AGBL1: variants seen among roughly 807,000 people sequenced by gnomAD.
AGBL1 encodes the protein cytosolic carboxypeptidase 4.
Under a neutral mutation model 118.9 loss-of-function variants are expected in AGBL1, and 130 were observed. The observed-to-expected ratio is 1.09, with a 90% CI of 0.95 to 1.26. The LOEUF (loss-of-function observed/expected upper bound fraction) is 1.26, where lower values mean the gene tolerates loss of function less well. Ranked by LOEUF, AGBL1 falls within the 50% of genes most tolerant of loss-of-function variation. The pLI, the probability that AGBL1 is intolerant of heterozygous loss-of-function variation, is 0.00. For missense variants in AGBL1, 1,584 were observed against 1,298.1 expected, an observed-to-expected ratio of 1.22 and a Z score of -3.38; for synonymous variants, 555 against 478.9, an observed-to-expected ratio of 1.16 and a Z score of -2.08.
intron 22 of AGBL1, among the ~76,000 whole-genome samples, chr15:86,765,932 T>G (rs1244695867): frequency 2.6e-5 from 4 of 151,984 alleles, no homozygotes. Flanking sequence ...CCTAGTTTAG[T>G]CAGCAACTAT....
intron 22 of AGBL1, among the ~76,000 whole-genome samples, chr15:86,864,016 G>T (rs948713963): frequency 6.6e-6 from 1 of 152,176 alleles, no homozygotes; most frequent in Non-Finnish European, 1.5e-5. Flanking sequence ...GAACAGCAAA[G>T]TCCCACCTGC....
intron 17 of AGBL1, among the ~76,000 whole-genome samples, chr15:86,316,173 A>G (rs903760993): frequency 6.6e-6 from 1 of 152,184 alleles, no homozygotes; most frequent in African/African-American, 2.4e-5. Context: ...GTCCCATGAC[A>G]GTAGTGTAAA....
intron 24 of AGBL1, among the ~76,000 whole-genome samples, chr15:87,003,666 G>A (rs533640552): frequency 6.7e-5 from 10 of 150,220 alleles, no homozygotes; most frequent in African/African-American, 2.4e-4. Context: ...CCTGTTATTG[G>A]TCTATTCAGA....
At chr15:86,386,522 C>T (rs1035032246) in intron 17 of AGBL1, among the ~76,000 whole-genome samples, 6 of 151,468 alleles carry the variant, frequency 4.0e-5, no homozygotes, top group Non-Finnish European at 7.4e-5. Context: ...GTATTTGGCA[C>T]GTGGTACCCT....
chr15:86,514,980 T>C (rs2083101839), intron 18 of AGBL1, among the ~76,000 whole-genome samples: 1 of 152,200 alleles, frequency 6.6e-6, no homozygotes, highest in Admixed American at 6.5e-5. Flanking sequence ...TTTTACATAG[T>C]TGCATAATAC....
chr15:86,222,896 C>A (rs553020699), intron 5 of AGBL1, among the ~76,000 whole-genome samples: 2 of 152,174 alleles, frequency 1.3e-5, no homozygotes, highest in East Asian at 3.9e-4. Context: ...TGATACTGTC[C>A]CCTAAACCAA....
In AGBL1 at chr15:86,664,591, C is replaced by A. The variant is rs537617741; in HGVS notation, c.2995-9682C>A. ...TCTCATTGCTATTTCTTCACTAGAC[C>A]TTTTTGCTGGGGGTTTACCTCCCCT... On this transcript the variant is annotated intron_variant, in intron 21 of 22. Coordinates refer to ENST00000614907, the MANE Select transcript of AGBL1 (RefSeq NM_001386094.1). Among the ~76,000 whole-genome samples, 4 of 152,112 alleles carry A rather than the reference C, an allele frequency of 2.6e-5. No homozygotes were observed. In the East Asian group the frequency reaches 5.8e-4, roughly 22 times the overall value.
At chr15:86,358,019 A>T (rs543211438) in intron 17 of AGBL1, among the ~76,000 whole-genome samples, 4 of 152,072 alleles carry the variant, frequency 2.6e-5, no homozygotes, top group Non-Finnish European at 5.9e-5. Flanking sequence ...CATACTTATA[A>T]TTTTTTTGTG....
chr15:86,678,356 G>A (rs1042443120), intron 22 of AGBL1, among the ~76,000 whole-genome samples: 2 of 152,012 alleles, frequency 1.3e-5, no homozygotes, highest in Non-Finnish European at 1.5e-5. Context: ...CCATTTTTAG[G>A]AGAAAATGGG....
At chr15:86,717,683 C>A (rs1179524237) in intron 22 of AGBL1, among the ~76,000 whole-genome samples, 1 of 141,028 alleles carries the variant, frequency 7.1e-6, no homozygotes, top group Non-Finnish European at 1.6e-5. Flanking sequence ...TCTGATTAAT[C>A]TGGACTTCAG....
chr15:86,762,834 T>C (rs1227718523), intron 22 of AGBL1, among the ~76,000 whole-genome samples: 1 of 152,006 alleles, frequency 6.6e-6, no homozygotes, highest in Non-Finnish European at 1.5e-5. Flanking sequence ...CCTTGTGGAA[T>C]ATTTGTGGGA....
intron 22 of AGBL1, among the ~76,000 whole-genome samples, chr15:86,849,620 T>C (rs1019611665): frequency 6.6e-6 from 1 of 151,972 alleles, no homozygotes; most frequent in Non-Finnish European, 1.5e-5. Flanking sequence ...GACCTTATTA[T>C]GGATAAAAGT....
intron 18 of AGBL1, among the ~76,000 whole-genome samples, chr15:86,490,701 C>G (rs2142141184): frequency 6.6e-6 from 1 of 152,174 alleles, no homozygotes; most frequent in East Asian, 1.9e-4. Flanking sequence ...CGAATGCAAA[C>G]TGGTTAAGTG....
chr15:86,999,810 C>T (rs1266827094), intron 24 of AGBL1, among the ~76,000 whole-genome samples: 1 of 138,074 alleles, frequency 7.2e-6, no homozygotes, highest in Non-Finnish European at 1.6e-5. Flanking sequence ...ACACTGACTT[C>T]CACAATGGTT....
chr15:86,106,711 G>T (rs986767663), intron 1 of AGBL1, among the ~76,000 whole-genome samples: 1 of 152,136 alleles, frequency 6.6e-6, no homozygotes, highest in African/African-American at 2.4e-5. Flanking sequence ...TTACTGATCT[G>T]GGCTGAAACT....
chr15:86,167,555 A>C (rs1597484934), intron 5 of AGBL1, among the ~76,000 whole-genome samples: 1 of 152,220 alleles, frequency 6.6e-6, no homozygotes. Flanking sequence ...CCGGGAACTG[A>C]TATTTCTAAT....
intron 4 of AGBL1, 88 bp from the exon 5 acceptor site, chr15:86,158,845 T>C: frequency 2.6e-6 from 3 of 1,172,376 alleles, no homozygotes; most frequent in Non-Finnish European, 3.8e-6. Context: ...AAGTTGCCCC[T>C]TAAAGATTTA....
intron 22 of AGBL1, among the ~76,000 whole-genome samples, chr15:86,683,110 C>T (rs905360473): frequency 4.6e-5 from 7 of 152,056 alleles, no homozygotes; most frequent in African/African-American, 7.2e-5. Flanking sequence ...ATGCTGATTA[C>T]GAGTTCAGCA....
At chr15:86,631,341 G>C (rs2084961925) in intron 21 of AGBL1, among the ~76,000 whole-genome samples, 1 of 152,130 alleles carries the variant, frequency 6.6e-6, no homozygotes, top group African/African-American at 2.4e-5. Flanking sequence ...AGCACTCTTT[G>C]TGCTATGCTT....
Sources: allele counts gnomAD v4.1 joint callset (sites outside exome capture counted in the v4.1 genomes callset), GRCh38; gene constraint gnomAD v4.1.1; transcripts MANE v1.5; gene names NCBI Gene and HGNC (gene_info 2026-07-23, HGNC 2026-07-21).